Variants in NOL11 observed in about 807,000 individuals in gnomAD.
The protein encoded by NOL11 is nucleolar protein 11.
Under a neutral mutation model 93.0 loss-of-function variants are expected in NOL11, and 42 were observed. The observed-to-expected ratio is 0.45, with a 90% CI of 0.35 to 0.58. The LOEUF is 0.58. Among genes scored for constraint, NOL11 ranks in the 20% least tolerant of loss-of-function variants. The probability of loss-of-function intolerance (pLI) is 0.00; values close to 1 mark genes in which losing one functional copy is unlikely to be tolerated. For missense variants in NOL11, 775 were observed against 841.8 expected (o/e 0.92, Z 0.98); for synonymous variants, 296 against 293.7 (o/e 1.01, Z -0.08).
chr17:67,722,455 G>T, intron 4 of NOL11, 125 bp from the exon 5 acceptor site: 1 of 1,400,842 alleles, frequency 7.1e-7, no homozygotes, highest in Non-Finnish European at 9.4e-7. Context: ...CCAATTAAGT[G>T]TTCTCTGATG....
chr17:67,721,652 A>G (rs1599034660), intron 4 of NOL11, 126 bp downstream of exon 4: 1 of 749,806 alleles, frequency 1.3e-6, no homozygotes, highest in East Asian at 2.7e-5. Flanking sequence ...CACTTACAAA[A>G]CACTGACTAA....
At chr17:67,738,715 AG>A in intron 14 of NOL11, 1 of 501,142 alleles carries the variant, frequency 2.0e-6, no homozygotes, top group Non-Finnish European at 3.5e-6. Context: ...CTAACACAGA[AG>A]CTCTATCAAT....
intron 6 of NOL11, among the ~76,000 whole-genome samples, chr17:67,724,441 C>A (rs1264125767): frequency 6.6e-6 from 1 of 150,796 alleles, no homozygotes; most frequent in Non-Finnish European, 1.5e-5. Flanking sequence ...TCAAACAATT[C>A]TCCTGCCTCA....
At chr17:67,719,848 A>G (rs1389915034) in intron 2 of NOL11, 58 bp from the exon 3 acceptor site, 12 of 1,496,164 alleles carry the variant, frequency 8.0e-6, no homozygotes, top group Non-Finnish European at 1.1e-5. Context: ...AACTATTTGT[A>G]TTTATTATAT....
Position 67,736,736 on chromosome 17 carries a change from A to G in NOL11, c.1125A>G (p.Ser375=), listed in dbSNP as rs1301353992. Residue 375 remains serine, a synonymous_variant, in exon 10 of 18, where the codon TCA becomes TCG. Coordinates refer to ENST00000253247, the MANE Select transcript of NOL11 (RefSeq NM_015462.5). ...PQGCGLGFQN[S]EQSRRILRRR... is the part of the protein sequence containing the mutation. ...GATGTGGACTTGGGTTCCAGAACTC[A>G]GAGCAGTCAAGAAGAATTGTAAGTT... 1.2e-6 allele frequency: 2 copies of G among 1,611,984 alleles called. No individual in the cohort carries two copies. The highest frequency in any genetic ancestry group is 2.2e-5 in the South Asian group (2 of 90,858).
chr17:67,740,951 G>A (rs2055250956), intron 16 of NOL11, among the ~76,000 whole-genome samples: 1 of 151,918 alleles, frequency 6.6e-6, no homozygotes, highest in African/African-American at 2.4e-5. Context: ...CCACACTGGA[G>A]TGCAGTGGGA....
At position 67,733,399 on chromosome 17, in the gene NOL11, C is replaced by G. The variant is rs1460892428; in HGVS notation, c.854-964C>G. 1.3e-5 allele frequency among the ~76,000 whole-genome samples: 2 copies of G among 152,094 alleles called. 1 individual carries two copies. Among genetic ancestry groups the G allele is most frequent in the South Asian group, 4.2e-4 (2 of 4,786 alleles). ...AAACAAAAATTGGATTTTTGTTTTT[C>G]TTCTTCTTGCCTGGCTAGAACTTGA... On this transcript the variant is annotated intron_variant, in intron 7 of 17. Transcript: ENST00000253247.
intron 13 of NOL11, 44 bp from the exon 14 acceptor site, chr17:67,738,078 C>T: frequency 6.4e-7 from 1 of 1,550,654 alleles, no homozygotes; most frequent in South Asian, 1.2e-5. Flanking sequence ...TTCCCAAAAG[C>T]TTGGTGATAA....
At chr17:67,729,104 T>G (rs868827111) in intron 7 of NOL11, among the ~76,000 whole-genome samples, 2,232 of 151,998 alleles carry the variant, frequency 0.015, 43 homozygotes, top group African/African-American at 0.047. Context: ...GTTGTTGTTT[T>G]TTTTTTTGAG....
intron 1 of NOL11, chr17:67,719,131 G>C (rs761309282): frequency 2.6e-5 from 4 of 152,132 alleles, no homozygotes; most frequent in South Asian, 2.1e-4. Flanking sequence ...GGACGCGGTG[G>C]TTCACGCCTG....
intron 14 of NOL11, 110 bp from the exon 15 acceptor site, chr17:67,738,822 T>C (rs558160574): frequency 1.9e-4 from 131 of 675,520 alleles, no homozygotes; most frequent in Non-Finnish European, 2.0e-4. Flanking sequence ...CTTTTAGAGA[T>C]GTAAAACTTT....
chr17:67,734,192 T>A (rs1220348732), intron 7 of NOL11, among the ~76,000 whole-genome samples, 171 bp from the exon 8 acceptor site: 1 of 152,184 alleles, frequency 6.6e-6, no homozygotes, highest in Non-Finnish European at 1.5e-5. Flanking sequence ...TTTCCAGGCT[T>A]CTTCTTACCA....
chr17:67,736,915 G>T lies in NOL11; in HGVS notation c.1144-156G>T, dbSNP rs896723871. 5 of 725,552 alleles carry T rather than the reference G, an allele frequency of 6.9e-6. No individual in the cohort carries two copies. The Admixed American group carries it at 8.5e-5, about 12-fold the overall frequency. 44.9% of individuals were successfully genotyped at this position (725,552 alleles called of 1,614,324 possible). A position where few individuals can be genotyped will look rare whatever the true frequency, so the allele number is the denominator to read the frequency against. ...CCAGTAACCTCACATTCTTTATCCA[G>T]AAATGCCCCATGTTGTCTATTAGTT... On this transcript the variant is annotated intron_variant, in intron 10 of 17. Coordinates refer to ENST00000253247, the MANE Select transcript of NOL11 (RefSeq NM_015462.5).
intron 3 of NOL11, chr17:67,720,232 G>C: frequency 4.0e-6 from 1 of 247,214 alleles, no homozygotes. Context: ...AGAGCAAAAT[G>C]AACTTCTGTG....
intron 7 of NOL11, among the ~76,000 whole-genome samples, chr17:67,727,200 C>T (rs1224542222): frequency 6.6e-6 from 1 of 152,232 alleles, no homozygotes; most frequent in Non-Finnish European, 1.5e-5. Context: ...AAAACTCAGA[C>T]TCTGTCGTTT....
chr17:67,741,815 C>T (rs1408001193), intron 16 of NOL11, among the ~76,000 whole-genome samples: 1 of 152,190 alleles, frequency 6.6e-6, no homozygotes. Context: ...CCACCCACCT[C>T]AGCCTCCTAA....
At chr17:67,732,885 T>C (rs1047344576) in intron 7 of NOL11, among the ~76,000 whole-genome samples, 6 of 152,024 alleles carry the variant, frequency 3.9e-5, no homozygotes, top group African/African-American at 1.4e-4. Flanking sequence ...GAATTTTTTT[T>C]CTTAATTTGC....
At chr17:67,740,170 C>T (rs946534721) in intron 16 of NOL11, among the ~76,000 whole-genome samples, 11 of 149,356 alleles carry the variant, frequency 7.4e-5, no homozygotes, top group Non-Finnish European at 1.3e-4. Context: ...AGGAGGCGGA[C>T]GTTGCAGTGA....
At chr17:67,719,648 T>C in intron 1 of NOL11, 26 bp from the exon 2 acceptor site, 1 of 1,142,444 alleles carries the variant, frequency 8.8e-7, no homozygotes, top group Non-Finnish European at 1.3e-6. Flanking sequence ...ACTTCTTGAA[T>C]ATTGTATTTA....
Sources: gnomAD v4.1 joint callset for allele counts (sites outside exome capture counted in the v4.1 genomes callset) on GRCh38, gnomAD v4.1.1 for gene constraint, MANE v1.5 for transcripts, NCBI Gene and HGNC (gene_info 2026-07-23, HGNC 2026-07-21) for gene names.